KCNQ1: variants seen among roughly 807,000 people sequenced by gnomAD.
The protein encoded by KCNQ1 is potassium voltage-gated channel subfamily KQT member 1.
In KCNQ1, 49 loss-of-function variants were observed where a neutral mutation model predicts 72.4. The ratio of observed to expected loss-of-function variants is 0.68; its 90% CI spans 0.54 to 0.86. The LOEUF is 0.86. KCNQ1 is among the 40% of genes least tolerant of loss of function. The pLI is 0.00. For missense variants in KCNQ1, 790 were observed against 945.1 expected (o/e 0.84, Z 2.15); for synonymous variants, 450 against 412.6 (o/e 1.09, Z -1.10).
At chr11:2,721,501 A>C (rs922516172) in intron 11 of KCNQ1, among the ~76,000 whole-genome samples, 1 of 152,242 alleles carries the variant, frequency 6.6e-6, no homozygotes, top group African/African-American at 2.4e-5. Context: ...TTTCACCCCC[A>C]AGGTGTGAGT....
intron 10 of KCNQ1, chr11:2,619,656 G>A: frequency 2.5e-6 from 1 of 396,520 alleles, no homozygotes; most frequent in Non-Finnish European, 4.4e-6. Flanking sequence ...GCTCACCTGG[G>A]TATCAAGGTG....
At chr11:2,552,950 G>A (rs11023267) in intron 2 of KCNQ1, among the ~76,000 whole-genome samples, 24,324 of 152,216 alleles carry the variant, frequency 0.16, 2,201 homozygotes, top group East Asian at 0.3. Context: ...TTTTAGTGGT[G>A]TGAAACTTGC....
At position 2,658,541 on chromosome 11, in the gene KCNQ1, C is replaced by T. The variant is rs1241436668; in HGVS notation, c.1394-3420C>T. The T allele has an allele frequency of 1.0e-5, 4 of 395,532 alleles. No individual in the cohort carries two copies. Among genetic ancestry groups the T allele is most frequent in the Non-Finnish European group, 1.8e-5 (4 of 225,516 alleles). The allele number at this position is 395,532 out of a possible 1,614,324, so 24.5% of individuals were successfully genotyped here. A position where few individuals can be genotyped will look rare whatever the true frequency, so the allele number is the denominator to read the frequency against. The stretch of plus-strand genomic sequence containing the variant: ...TACTTCAGGCTCATCTTTTATTTTC[C>T]CTACCCTAGCCCTAGAATCATCCAT... On this transcript the variant is annotated intron_variant, in intron 10 of 15. Coordinates refer to ENST00000155840, the MANE Select transcript of KCNQ1 (RefSeq NM_000218.3). The surrounding 1 kb of genome is among the most constrained non-coding windows in gnomAD (Gnocchi z 4.9).
Position 2,713,321 on chromosome 11 carries a change from C to T in KCNQ1, c.1514+51240C>T, listed in dbSNP as rs1564868240. 6.6e-6 allele frequency among the ~76,000 whole-genome samples: 1 copy of T among 152,182 alleles called. No individual in the cohort carries two copies. The highest frequency in any genetic ancestry group is 1.5e-5 in the Non-Finnish European group (1 of 68,038). On this transcript the variant is annotated intron_variant, in intron 11 of 15. Coordinates refer to ENST00000155840, the MANE Select transcript of KCNQ1 (RefSeq NM_000218.3). The surrounding 1 kb of genome is among the most constrained non-coding windows in gnomAD (Gnocchi z 5.6). The stretch of plus-strand genomic sequence containing the variant: ...GCTTCTCAGGCCTTCTGGGCTCTTC[C>T]TCTGCTGCTCGCCATAAAAACTCTC...
chr11:2,686,442 C>T (rs563136744), intron 11 of KCNQ1: 1 of 398,678 alleles, frequency 2.5e-6, no homozygotes, highest in Admixed American at 4.4e-5. Flanking sequence ...CCTCCACTGC[C>T]AAGTTTCCAC....
rs1198767607 is a variant in KCNQ1 at position 2,652,650 on chromosome 11, A to T, written c.1394-9311A>T. On this transcript the variant is annotated intron_variant, in intron 10 of 15. Transcript: ENST00000155840. The surrounding 1 kb of genome is among the most constrained non-coding windows in gnomAD (Gnocchi z 5.9). The stretch of plus-strand genomic sequence containing the variant: ...GACCTAGACAGTGACTTCCTGCAGC[A>T]TGGAGACCCGGGTGGGTCGATTTTA... 1.5e-5 allele frequency: 6 copies of T among 398,600 alleles called. No homozygotes were observed. The East Asian group carries it at 2.1e-4, about 14-fold the overall frequency. The allele number at this position is 398,600 out of a possible 1,614,324, so 24.7% of individuals were successfully genotyped here.
intron 13 of KCNQ1, among the ~76,000 whole-genome samples, chr11:2,776,684 G>A (rs1022732905): frequency 1.3e-5 from 2 of 152,164 alleles, no homozygotes; most frequent in East Asian, 3.9e-4. Context: ...GGCCACAGGC[G>A]AGGGGTCAGG....
Position 2,654,083 on chromosome 11 carries a change from T to C in KCNQ1, c.1394-7878T>C, listed in dbSNP as rs994061862. The C allele has an allele frequency of 1.0e-5, 4 of 398,638 alleles. No homozygotes were observed. Among genetic ancestry groups the C allele is most frequent in the Non-Finnish European group, 1.8e-5 (4 of 226,146 alleles). The allele number at this position is 398,638 out of a possible 1,614,324, so 24.7% of individuals were successfully genotyped here. Reference sequence around the variant, plus strand: ...ATGGCTTTTACACTTTCCATCCATGTCCCTTACTTCTCGCCTCTGAGTGGA... The same window carrying C: ...ATGGCTTTTACACTTTCCATCCATGCCCCTTACTTCTCGCCTCTGAGTGGA... On this transcript the variant is annotated intron_variant, in intron 10 of 15. Coordinates refer to ENST00000155840, the MANE Select transcript of KCNQ1 (RefSeq NM_000218.3). This position sits in a 1 kb window ranked among gnomAD's most constrained non-coding sequence, Gnocchi z 6.4.
intron 1 of KCNQ1, among the ~76,000 whole-genome samples, chr11:2,496,997 C>T (rs766399389): frequency 2.6e-5 from 4 of 152,186 alleles, no homozygotes; most frequent in Non-Finnish European, 5.9e-5. Flanking sequence ...TTGGCTCCCA[C>T]TCTCTTCTGG....
intron 10 of KCNQ1, among the ~76,000 whole-genome samples, chr11:2,591,595 C>T (rs1374094336): frequency 1.3e-5 from 2 of 152,192 alleles, no homozygotes; most frequent in African/African-American, 2.4e-5. Context: ...AGCCTGTGTG[C>T]GGCCTGGAGA....
In KCNQ1 at chr11:2,677,171, C is replaced by A. The variant is rs770978902; in HGVS notation, c.1514+15090C>A. ...TGTTGTTTCTCCCTATCCATCTTATCCCTACTTGTATCTCTGCTGACTGAC... is the reference window on the plus strand; with the variant it reads ...TGTTGTTTCTCCCTATCCATCTTATACCTACTTGTATCTCTGCTGACTGAC... On this transcript the variant is annotated intron_variant, in intron 11 of 15. Coordinates refer to ENST00000155840, the MANE Select transcript of KCNQ1 (RefSeq NM_000218.3). The surrounding 1 kb of genome is among the most constrained non-coding windows in gnomAD (Gnocchi z 4.5). 6 of 398,490 alleles carry A rather than the reference C, an allele frequency of 1.5e-5. No individual in the cohort carries two copies. Among genetic ancestry groups the A allele is most frequent in the South Asian group, 1.3e-4 (1 of 7,862 alleles). 24.7% of individuals were successfully genotyped at this position (398,490 alleles called of 1,614,324 possible). A position where few individuals can be genotyped will look rare whatever the true frequency, so the allele number is the denominator to read the frequency against.
rs1427676350 is a variant in KCNQ1, at chr11:2,670,756, G to A, written c.1514+8675G>A. 2.5e-6 allele frequency: 1 copy of A among 398,552 alleles called. No individual in the cohort carries two copies. Among genetic ancestry groups the A allele is most frequent in the Non-Finnish European group, 4.4e-6 (1 of 226,122 alleles). 24.7% of individuals were successfully genotyped at this position (398,552 alleles called of 1,614,324 possible). ...GCAGATATTATCTGGGCACTGGCCA[G>A]TGGCTCTTGTGGCTGCCCTCTGCAA... On this transcript the variant is annotated intron_variant, in intron 11 of 15. Transcript: ENST00000155840. The surrounding 1 kb of genome is among the most constrained non-coding windows in gnomAD (Gnocchi z 4.9).
At position 2,725,851 on chromosome 11, in the gene KCNQ1, GC is replaced by G. The variant is rs1845751427; in HGVS notation, c.1515-42989del. Reference sequence around the variant, plus strand: ...TCCTGGGCTCTGAGAGCTCCCTGGGGCCCCACAGGCCAAGCGTTTTCTGACT... The same window carrying G: ...TCCTGGGCTCTGAGAGCTCCCTGGGGCCCACAGGCCAAGCGTTTTCTGACT... On this transcript the variant is annotated intron_variant, in intron 11 of 15. Transcript: ENST00000155840. The surrounding 1 kb of genome is among the most constrained non-coding windows in gnomAD (Gnocchi z 7.2). Among the ~76,000 whole-genome samples the G allele has an allele frequency of 6.6e-6, 1 of 152,002 alleles. No individual in the cohort carries two copies. The highest frequency in any genetic ancestry group is 1.5e-5 in the Non-Finnish European group (1 of 67,982).
At position 2,567,218 on chromosome 11, in the gene KCNQ1, G is replaced by A. The variant is rs1467863343; in HGVS notation, c.478-3410G>A. 6.6e-6 allele frequency among the ~76,000 whole-genome samples: 1 copy of A among 152,128 alleles called. No homozygotes were observed. Among genetic ancestry groups the A allele is most frequent in the Non-Finnish European group, 1.5e-5 (1 of 68,012 alleles). ...AAGTACCAAATGTGTGCAGGTTCTG[G>A]GGAGGAGCTTGAGGCCCCTTTAGTT... On this transcript the variant is annotated intron_variant, in intron 2 of 15. Coordinates refer to ENST00000155840, the MANE Select transcript of KCNQ1 (RefSeq NM_000218.3). The surrounding 1 kb of genome is among the most constrained non-coding windows in gnomAD (Gnocchi z 6.6).
chr11:2,647,441 T>C lies in KCNQ1; in HGVS notation c.1394-14520T>C, dbSNP rs1849683715. 2.5e-6 allele frequency: 1 copy of C among 398,460 alleles called. No homozygotes were observed. Among genetic ancestry groups the C allele is most frequent in the African/African-American group, 2.1e-5 (1 of 48,638 alleles). 24.7% of individuals were successfully genotyped at this position (398,460 alleles called of 1,614,324 possible). ...TCTGCATCTATGTTCATCAGGGAGA[T>C]TGGCCTGTAGTTTTCTTTTTTGCTG... On this transcript the variant is annotated intron_variant, in intron 10 of 15. Transcript: ENST00000155840. This position sits in a 1 kb window ranked among gnomAD's most constrained non-coding sequence, Gnocchi z 4.0.
At chr11:2,747,556 T>C (rs1444581996) in intron 11 of KCNQ1, among the ~76,000 whole-genome samples, 1 of 152,176 alleles carries the variant, frequency 6.6e-6, no homozygotes, top group East Asian at 1.9e-4. Context: ...TGCCAGTCAC[T>C]GGAATACGGC....
chr11:2,695,558 C>G lies in KCNQ1; in HGVS notation c.1514+33477C>G. 2.5e-6 allele frequency: 1 copy of G among 398,686 alleles called. No homozygotes were observed. Among genetic ancestry groups the G allele is most frequent in the Non-Finnish European group, 4.4e-6 (1 of 226,114 alleles). The allele number at this position is 398,686 out of a possible 1,614,324, so 24.7% of individuals were successfully genotyped here. On this transcript the variant is annotated intron_variant, in intron 11 of 15. Coordinates refer to ENST00000155840, the MANE Select transcript of KCNQ1 (RefSeq NM_000218.3). This position sits in a 1 kb window ranked among gnomAD's most constrained non-coding sequence, Gnocchi z 5.2. ...GCCCACCCCTATGGGCCATGCTGCC[C>G]TGAGCATGCACACACACAGCCTCTC...
In KCNQ1 at chr11:2,668,045, A is replaced by G; in HGVS notation, c.1514+5964A>G. The G allele has an allele frequency of 2.5e-6, 1 of 398,600 alleles. No homozygotes were observed. The highest frequency in any genetic ancestry group is 4.4e-6 in the Non-Finnish European group (1 of 226,068). The allele number at this position is 398,600 out of a possible 1,614,324, so 24.7% of individuals were successfully genotyped here. On this transcript the variant is annotated intron_variant, in intron 11 of 15. Transcript: ENST00000155840. The surrounding 1 kb of genome is among the most constrained non-coding windows in gnomAD (Gnocchi z 4.3). ...AGCAGCAAGGACCAGCTTTGCCCAC[A>G]TTTGAACTTTATGCGGTGGGAATGA...
intron 6 of KCNQ1, among the ~76,000 whole-genome samples, chr11:2,574,353 C>T (rs896030759): frequency 1.3e-5 from 2 of 152,180 alleles, no homozygotes; most frequent in African/African-American, 4.8e-5. Context: ...CTCACTCAGT[C>T]CGATAACAGG....
Sources: allele counts gnomAD v4.1 joint callset (sites outside exome capture counted in the v4.1 genomes callset), GRCh38; gene constraint gnomAD v4.1.1; non-coding constraint Gnocchi (gnomAD v3.1); transcripts MANE v1.5; gene names NCBI Gene and HGNC (gene_info 2026-07-23, HGNC 2026-07-21).